Variants in SUMF1 observed in about 807,000 individuals in gnomAD.
SUMF1 encodes the protein formylglycine-generating enzyme.
Under a neutral mutation model 47.6 loss-of-function variants are expected in SUMF1, and 48 were observed. The observed-to-expected ratio is 1.01, with a 90% CI of 0.80 to 1.28. SUMF1 has a LOEUF of 1.28. Ranked by LOEUF, SUMF1 falls within the 50% of genes most tolerant of loss-of-function variation. The pLI is 0.00. For missense variants in SUMF1, 571 were observed against 485.4 expected, an observed-to-expected ratio of 1.18 and a Z score of -1.66; for synonymous variants, 230 against 192.1, an observed-to-expected ratio of 1.20 and a Z score of -1.63.
At chr3:4,201,398 G>A (rs1695537304) in intron 8 of SUMF1, among the ~76,000 whole-genome samples, 1 of 151,872 alleles carries the variant, frequency 6.6e-6, no homozygotes, top group East Asian at 1.9e-4. Context: ...ATGTGAAGTT[G>A]GTTTTTCCAT....
intron 8 of SUMF1, among the ~76,000 whole-genome samples, chr3:4,258,230 A>G (rs1376463860): frequency 6.7e-6 from 1 of 149,422 alleles, no homozygotes; most frequent in Non-Finnish European, 1.5e-5. Flanking sequence ...AAACACCAAA[A>G]GCAATGGCAA....
At chr3:4,167,049 C>T (rs746522853) in intron 8 of SUMF1, among the ~76,000 whole-genome samples, 4 of 152,088 alleles carry the variant, frequency 2.6e-5, no homozygotes, top group East Asian at 1.9e-4. Context: ...GTACTCACCA[C>T]GTGGCGATAC....
chr3:4,233,825 G>A (rs1211167419), intron 8 of SUMF1, among the ~76,000 whole-genome samples: 4 of 152,132 alleles, frequency 2.6e-5, no homozygotes, highest in African/African-American at 9.7e-5. Flanking sequence ...TAAAAGCAGA[G>A]TACTGCTCTT....
In SUMF1 at chr3:4,155,493, C is replaced by T. The variant is rs762042089; in HGVS notation, c.1015-86748G>A. 1.3e-4 allele frequency among the ~76,000 whole-genome samples: 19 copies of T among 151,546 alleles called. 1 individual carries two copies. The highest frequency in any genetic ancestry group is 2.4e-4 in the Non-Finnish European group (16 of 68,002). On this transcript the variant is annotated intron_variant and NMD_transcript_variant, in intron 8 of 12. Coordinates refer to the SUMF1 transcript ENST00000448413. ...GCAAAAGGAAGGAGATAAGGGACGGCTCCTTCCCTCCTGGCAGCAGTAAGT... is the reference window on the plus strand; with the variant it reads ...GCAAAAGGAAGGAGATAAGGGACGGTTCCTTCCCTCCTGGCAGCAGTAAGT...
chr3:4,440,862 T>C (rs1702563308), intron 3 of SUMF1, among the ~76,000 whole-genome samples: 1 of 152,250 alleles, frequency 6.6e-6, no homozygotes, highest in South Asian at 2.1e-4. Flanking sequence ...CAACAGCAAC[T>C]GTTTTCTACC....
At chr3:4,212,889 C>A (rs376245741) in intron 8 of SUMF1, among the ~76,000 whole-genome samples, 10 of 152,158 alleles carry the variant, frequency 6.6e-5, no homozygotes, top group African/African-American at 2.2e-4. Flanking sequence ...ACAAACAAAG[C>A]CTCCAAGAAA....
chr3:4,113,149 A>G (rs78558827), intron 8 of SUMF1, among the ~76,000 whole-genome samples: 7,638 of 152,208 alleles, frequency 0.05, 524 homozygotes, highest in East Asian at 0.15. Flanking sequence ...AATCAAGCCA[A>G]GGTACCTGGG....
chr3:4,081,910 T>C (rs115336241), intron 8 of SUMF1, among the ~76,000 whole-genome samples: 3,526 of 152,222 alleles, frequency 0.023, 75 homozygotes, highest in South Asian at 0.043. Context: ...GCCAATAGTG[T>C]TAGTGATATT....
At chr3:4,182,045 A>G (rs1278365516) in intron 8 of SUMF1, among the ~76,000 whole-genome samples, 1 of 152,202 alleles carries the variant, frequency 6.6e-6, no homozygotes, top group Non-Finnish European at 1.5e-5. Context: ...TACAAGGCAT[A>G]CTGTGATAGA....
At chr3:4,077,637 C>T (rs1574862531) in intron 8 of SUMF1, among the ~76,000 whole-genome samples, 1 of 152,126 alleles carries the variant, frequency 6.6e-6, no homozygotes, top group African/African-American at 2.4e-5. Context: ...AGGGGAACAT[C>T]ACACACCAGG....
At chr3:4,308,931 A>G (rs1575076080) in intron 8 of SUMF1, among the ~76,000 whole-genome samples, 1 of 152,362 alleles carries the variant, frequency 6.6e-6, no homozygotes, top group African/African-American at 2.4e-5. Context: ...TCCTGAGAAC[A>G]TGTATCCGAA....
chr3:4,105,752 C>G (rs1267196373), intron 8 of SUMF1, among the ~76,000 whole-genome samples: 1 of 152,094 alleles, frequency 6.6e-6, no homozygotes, highest in Non-Finnish European at 1.5e-5. Context: ...ACTGCTCCTA[C>G]TAGTCCCCTT....
chr3:4,190,702 A>G (rs1695296310), intron 8 of SUMF1, among the ~76,000 whole-genome samples: 1 of 152,082 alleles, frequency 6.6e-6, no homozygotes, highest in Non-Finnish European at 1.5e-5. Flanking sequence ...ATAGAGGACA[A>G]ATTTAATTCA....
At chr3:4,155,973 G>C (rs975732878) in intron 8 of SUMF1, among the ~76,000 whole-genome samples, 2 of 151,254 alleles carry the variant, frequency 1.3e-5, no homozygotes, top group Non-Finnish European at 2.9e-5. Context: ...TATAACACTT[G>C]ACCAAAGCTG....
At chr3:4,204,113 T>C (rs1695600000) in intron 8 of SUMF1, among the ~76,000 whole-genome samples, 1 of 152,116 alleles carries the variant, frequency 6.6e-6, no homozygotes, top group African/African-American at 2.4e-5. Flanking sequence ...TGCTCATTAA[T>C]GGTCTTTTCC....
At chr3:4,173,251 T>G (rs1694873587) in intron 8 of SUMF1, among the ~76,000 whole-genome samples, 1 of 152,226 alleles carries the variant, frequency 6.6e-6, no homozygotes, top group Non-Finnish European at 1.5e-5. Flanking sequence ...CCACACTGTT[T>G]TGATTACTGT....
intron 8 of SUMF1, among the ~76,000 whole-genome samples, chr3:4,220,129 A>C (rs1696029146): frequency 6.6e-6 from 1 of 152,130 alleles, no homozygotes; most frequent in African/African-American, 2.4e-5. Context: ...TGTTTTCTAC[A>C]AAAATTTCAC....
intron 9 of SUMF1, among the ~76,000 whole-genome samples, chr3:4,042,201 G>A (rs900089389): frequency 6.6e-6 from 1 of 152,160 alleles, no homozygotes; most frequent in African/African-American, 2.4e-5. Flanking sequence ...TAAGAGACAT[G>A]AGAAAGATTT....
At chr3:4,042,939 T>C (rs762215336) in intron 9 of SUMF1, among the ~76,000 whole-genome samples, 15 of 152,162 alleles carry the variant, frequency 9.9e-5, no homozygotes, top group Non-Finnish European at 1.8e-4. Context: ...CTGCTTATTC[T>C]CTCTGCTGTT....
Sources: allele counts gnomAD v4.1 joint callset (sites outside exome capture counted in the v4.1 genomes callset), GRCh38; gene constraint gnomAD v4.1.1; transcripts MANE v1.5; gene names NCBI Gene and HGNC (gene_info 2026-07-23, HGNC 2026-07-21).